The following SCN11A variants were observed in gnomAD, a reference collection of about 807,000 sequenced individuals.
SCN11A encodes sodium channel protein type 11 subunit alpha.
Under a neutral mutation model 162.2 loss-of-function variants are expected in SCN11A, and 122 were observed. That is an observed-to-expected ratio of 0.75 (90% CI 0.65 to 0.87). The LOEUF (loss-of-function observed/expected upper bound fraction) is 0.87. Among genes scored for constraint, SCN11A ranks in the 40% least tolerant of loss-of-function variants. The pLI is 0.00. For missense variants in SCN11A, 2,015 were observed against 2,181.6 expected (o/e 0.92, Z 1.52); for synonymous variants, 758 against 751.5 (o/e 1.01, Z -0.14).
chr3:38,998,557 G>A (rs908830751), intron 2 of SCN11A, among the ~76,000 whole-genome samples: 1 of 152,070 alleles, frequency 6.6e-6, no homozygotes, highest in Non-Finnish European at 1.5e-5. Context: ...CCATTACTGG[G>A]TATATACCCA....
Position 38,905,201 on chromosome 3 carries a change from T to C in SCN11A, c.1594A>G (p.Thr532Ala), listed in dbSNP as rs2065773233. Residue 532 changes from threonine (T) to alanine (A), a missense_variant, in exon 15 of 30, where the codon ACC (threonine) becomes GCC (alanine). Coordinates refer to ENST00000302328, the MANE Select transcript of SCN11A (RefSeq NM_001349253.2). ...GGGATGTGGAACTTACCCTTCATGG[T>C]GATGGTGAGGATGCTGACAGCACTC... ...ALSAVSILTI[T>A]MKEQEKSQEP... 6.2e-7 allele frequency: 1 copy of C among 1,614,034 alleles called. No individual in the cohort carries two copies.
chr3:39,014,828 G>C (rs760913558), intron 2 of SCN11A, among the ~76,000 whole-genome samples: 3 of 152,200 alleles, frequency 2.0e-5, no homozygotes, highest in Non-Finnish European at 4.4e-5. Flanking sequence ...ACTTAATGAT[G>C]GAAGGGCTTC....
intron 1 of SCN11A, among the ~76,000 whole-genome samples, chr3:39,048,465 T>C (rs2032237864): frequency 6.6e-6 from 1 of 152,184 alleles, no homozygotes; most frequent in Non-Finnish European, 1.5e-5. Context: ...CACTGTAGGA[T>C]GACTATGATT....
chr3:38,852,669 C>G (rs189285932), intron 28 of SCN11A, among the ~76,000 whole-genome samples: 15 of 152,268 alleles, frequency 9.9e-5, no homozygotes, highest in Non-Finnish European at 1.9e-4. Context: ...AATGCTCAGG[C>G]TAAAACAGCT....
chr3:38,919,033 T>C (rs1353618362), intron 11 of SCN11A, among the ~76,000 whole-genome samples: 7 of 152,226 alleles, frequency 4.6e-5, no homozygotes, highest in African/African-American at 1.7e-4. Flanking sequence ...AGCATGTTAC[T>C]ATACTGAATA....
chr3:38,884,128 C>A (rs902918450), intron 21 of SCN11A, among the ~76,000 whole-genome samples: 1 of 152,198 alleles, frequency 6.6e-6, no homozygotes, highest in Admixed American at 6.5e-5. Flanking sequence ...CTCCTTTCCT[C>A]ATCTTCTTAA....
In SCN11A at chr3:38,948,780, C is replaced by T. The variant is rs185632250; in HGVS notation, c.267+1316G>A. 4.8e-3 allele frequency among the ~76,000 whole-genome samples: 729 copies of T among 152,294 alleles called. 2 individuals carry two copies. Among genetic ancestry groups the T allele is most frequent in the Middle Eastern group, 6.8e-3 (2 of 294 alleles). On this transcript the variant is annotated intron_variant, in intron 5 of 29. Coordinates refer to ENST00000302328, the MANE Select transcript of SCN11A (RefSeq NM_001349253.2). ...CCAGGCTGGAATAGTCCTGTTCTCC[C>T]GGACTGTCAGCTGCACACCAAACTG...
chr3:38,886,939 CT>C (rs1425146138), intron 19 of SCN11A, among the ~76,000 whole-genome samples: 1 of 152,132 alleles, frequency 6.6e-6, no homozygotes, highest in East Asian at 1.9e-4. Flanking sequence ...TCCTCTTCCT[CT>C]TTCCCCTCCA....
intron 1 of SCN11A, among the ~76,000 whole-genome samples, 196 bp from the exon 2 acceptor site, chr3:39,032,699 T>C (rs925182371): frequency 3.3e-5 from 5 of 152,218 alleles, no homozygotes; most frequent in Admixed American, 6.5e-5. Context: ...ACTTTGCCAA[T>C]GTTTCCTGGG....
At chr3:38,985,306 A>ATTT (rs2030199653) in intron 2 of SCN11A, among the ~76,000 whole-genome samples, 1 of 149,102 alleles carries the variant, frequency 6.7e-6, no homozygotes, top group African/African-American at 2.5e-5. Context: ...TTTTTTTTGT[A>ATTT]TTTTTAGTAG....
At position 39,032,514 on chromosome 3, in the gene SCN11A, C is replaced by T. The variant is rs78866073; in HGVS notation, c.-403-11G>A. On this transcript the variant is annotated splice_polypyrimidine_tract_variant and intron_variant, in intron 1 of 29. Transcript: ENST00000302328. ...AAGCACTGGGACAATCTGAAAACAA[C>T]AACAACAACAAAAAAAACAAGCTTT... 0.029 allele frequency among the ~76,000 whole-genome samples: 4,389 copies of T among 149,554 alleles called. 212 individuals are homozygous for T. Among genetic ancestry groups the T allele is most frequent in the African/African-American group, 0.1 (4,162 of 41,302 alleles).
intron 28 of SCN11A, among the ~76,000 whole-genome samples, chr3:38,855,470 T>C (rs2064852697): frequency 6.6e-6 from 1 of 152,142 alleles, no homozygotes; most frequent in Non-Finnish European, 1.5e-5. Flanking sequence ...ACATAAACCC[T>C]TGGGAGTTTT....
At chr3:39,021,825 A>G (rs924323923) in intron 2 of SCN11A, among the ~76,000 whole-genome samples, 1 of 152,184 alleles carries the variant, frequency 6.6e-6, no homozygotes, top group African/African-American at 2.4e-5. Context: ...TCTGTAAACT[A>G]AAAATAAAAT....
chr3:38,919,936 T>C lies in SCN11A; in HGVS notation c.958A>G (p.Ser320Gly). 1 of 1,611,360 alleles carries C rather than the reference T, an allele frequency of 6.2e-7. No homozygotes were observed. Among genetic ancestry groups the C allele is most frequent in the Non-Finnish European group, 8.5e-7 (1 of 1,177,564 alleles). ...FKMCGIWMGN[S>G]ACSIQYECKH... The stretch of plus-strand genomic sequence containing the variant: ...GGAAAATGATTATAAACCTCTTACC[T>C]GTTACCCATCCAGATGCCACACATT... The change falls in exon 11 of 30, where the codon AGT (serine) becomes GGT (glycine). Residue 320 changes from serine to glycine, a missense_variant and splice_region_variant. Transcript: ENST00000302328.
At position 38,872,244 on chromosome 3, in the gene SCN11A, A is replaced by G. The variant is rs2065139920; in HGVS notation, c.3444T>C (p.Thr1148=). 37 of 1,611,672 alleles carry G rather than the reference A, an allele frequency of 2.3e-5. No individual in the cohort carries two copies. Among genetic ancestry groups the G allele is most frequent in the Non-Finnish European group, 3.1e-5 (36 of 1,177,918 alleles). Residue 1148 remains threonine (T), a synonymous_variant, in exon 24 of 30, where the codon ACT becomes ACC. Transcript: ENST00000302328. ...INLMELKSFR[T]LRALRPLRAL... is the part of the protein sequence containing the mutation. ...CACGAAGAGGCCTCAGTGCTCGTAG[A>G]GTCCGGAAGGACTTCAATTCCATTA...
intron 28 of SCN11A, among the ~76,000 whole-genome samples, chr3:38,859,629 T>C (rs2064930549): frequency 6.6e-6 from 1 of 152,074 alleles, no homozygotes; most frequent in South Asian, 2.1e-4. Flanking sequence ...GGAACCGCAT[T>C]TGCAAAATTA....
intron 7 of SCN11A, among the ~76,000 whole-genome samples, chr3:38,936,533 C>T (rs1157905139): frequency 6.6e-6 from 1 of 151,162 alleles, no homozygotes; most frequent in Non-Finnish European, 1.5e-5. Context: ...CTTCAGGATA[C>T]AAAATCAATG....
intron 1 of SCN11A, among the ~76,000 whole-genome samples, chr3:39,033,484 T>G (rs1204659395): frequency 6.6e-6 from 1 of 152,222 alleles, no homozygotes; most frequent in African/African-American, 2.4e-5. Flanking sequence ...GAGAAAAGCA[T>G]TGTTATTACT....
At chr3:39,001,850 C>T (rs1437963367) in intron 2 of SCN11A, among the ~76,000 whole-genome samples, 5 of 151,970 alleles carry the variant, frequency 3.3e-5, no homozygotes, top group South Asian at 2.1e-4. Flanking sequence ...CTGGCTAACA[C>T]GGTGAAACCC....
Sources: allele counts gnomAD v4.1 joint callset (sites outside exome capture counted in the v4.1 genomes callset), GRCh38; gene constraint gnomAD v4.1.1; transcripts MANE v1.5; gene names NCBI Gene and HGNC (gene_info 2026-07-23, HGNC 2026-07-21).